The following DCHS1 variants were observed in gnomAD, a reference collection of about 807,000 sequenced individuals.
The protein encoded by DCHS1 is protocadherin-16.
In DCHS1, 78 loss-of-function variants were observed where a neutral mutation model predicts 213.9. The observed-to-expected ratio is 0.36, with a 90% confidence interval of 0.30 to 0.44. DCHS1 has a LOEUF of 0.44. Among genes scored for constraint, DCHS1 ranks in the 20% least tolerant of loss-of-function variants. The probability of loss-of-function intolerance (pLI) is 1.00; values close to 1 mark genes in which losing one functional copy is unlikely to be tolerated. For synonymous variants in DCHS1, 1,828 were observed against 1,873.7 expected (o/e 0.98, Z 0.63); for missense variants, 3,946 against 4,395.9 (o/e 0.90, Z 2.89).
intron 12 of DCHS1, 128 bp downstream of exon 12, chr11:6,629,324 A>G: frequency 1.5e-6 from 2 of 1,371,688 alleles, no homozygotes; most frequent in Non-Finnish European, 1.9e-6. Flanking sequence ...AAAGGGTCCA[A>G]AAACATAACA....
At position 6,626,521 on chromosome 11, in the gene DCHS1, C is replaced by A; in HGVS notation, c.6364+31G>T. On this transcript the variant is annotated intron_variant, in intron 15 of 20. Transcript: ENST00000299441. This position sits in a 1 kb window ranked among gnomAD's most constrained non-coding sequence, Gnocchi z 5.2. ...AGAACCTGCTTCCCCAGTAGCCTGT[C>A]CTGCACAGAGCCCCTGCTCCTATTT... 1 of 1,611,886 alleles carries A rather than the reference C, an allele frequency of 6.2e-7. No individual in the cohort carries two copies. Among genetic ancestry groups the A allele is most frequent in the Non-Finnish European group, 8.5e-7 (1 of 1,178,198 alleles).
Position 6,631,340 on chromosome 11 carries a change from T to G in DCHS1, c.3743A>C (p.Glu1248Ala). 6.2e-7 allele frequency: 1 copy of G among 1,613,884 alleles called. No homozygotes were observed. The highest frequency in any genetic ancestry group is 8.5e-7 in the Non-Finnish European group (1 of 1,179,834). ...TAGCGTGTACAAGATGGTCCCATTC[T>G]CCCCCTCATCTGGATCCTTCGCCTG... Reference protein sequence around the residue: ...TLQAKDPDEGENGTILYTLTG... With the variant: ...TLQAKDPDEGANGTILYTLTG... Residue 1248 changes from glutamate (E) to alanine (A), a missense_variant, in exon 8 of 21, where the codon GAG becomes GCG. By Grantham distance (107) the Glu-to-Ala change is moderately radical (BLOSUM62 -1). This residue lies in a region of DCHS1 where 3,384 missense variants were observed against 3,780.1 expected (regional missense o/e 0.90). Coordinates refer to ENST00000299441, the MANE Select transcript of DCHS1 (RefSeq NM_003737.4).
chr11:6,650,663 T>C (rs1164001996), intron 1 of DCHS1, among the ~76,000 whole-genome samples: 2 of 151,964 alleles, frequency 1.3e-5, no homozygotes, highest in Non-Finnish European at 2.9e-5. Flanking sequence ...TAAGAGGGCA[T>C]TAAAGGAAGG....
chr11:6,654,909 C>T (rs1001712478), intron 1 of DCHS1, among the ~76,000 whole-genome samples: 2 of 152,116 alleles, frequency 1.3e-5, no homozygotes, highest in Non-Finnish European at 2.9e-5. Context: ...CTTGCTCTGT[C>T]CCCTGCACGG....
chr11:6,634,087 A>T (rs144772487), intron 3 of DCHS1, 31 bp downstream of exon 3: 2 of 1,598,408 alleles, frequency 1.3e-6, no homozygotes, highest in Non-Finnish European at 8.5e-7. Flanking sequence ...CTACCCCAAC[A>T]TCCCAACCTG....
rs752838229 is a variant in DCHS1, at chr11:6,629,835, G to A, written c.4872C>T (p.His1624=). 1.1e-5 allele frequency: 18 copies of A among 1,612,856 alleles called. No individual in the cohort carries two copies. Among genetic ancestry groups the A allele is most frequent in the African/African-American group, 4.0e-5 (3 of 74,950 alleles). The change falls in exon 11 of 21, where the codon CAC becomes CAT. Residue 1624 remains histidine, a synonymous_variant. Transcript: ENST00000299441. ...GCGTGGCCGAGCGCGGCGGGGAGCC[G>A]TGGTCTGAGGCCACCACTGTCAGTA... The part of the protein sequence containing the change: ...EHVLTVVASD[H]GSPPRSATQV...
chr11:6,628,740 A>C lies in DCHS1; in HGVS notation c.5252T>G (p.Phe1751Cys). 6.2e-7 allele frequency: 1 copy of C among 1,614,042 alleles called. No individual in the cohort carries two copies. The highest frequency in any genetic ancestry group is 8.5e-7 in the Non-Finnish European group (1 of 1,179,906). The change falls in exon 13 of 21, where the codon TTT (phenylalanine) becomes TGT (cysteine). Residue 1751 changes from phenylalanine (F) to cysteine (C), a missense_variant. This residue lies in a region of DCHS1 where 3,384 missense variants were observed against 3,780.1 expected (regional missense o/e 0.90). Transcript: ENST00000299441. The surrounding 1 kb of genome is among the most constrained non-coding windows in gnomAD (Gnocchi z 4.3). ...CTCCAGAGAGAGATGGGCACTCCCA[A>C]AGGTTGGTGCATGGTCATTCTCATC... is the stretch of plus-strand genomic sequence containing the variant. ...VEDENDHAPTFGSAHLSLEVP... is the reference protein window; with the variant it reads ...VEDENDHAPTCGSAHLSLEVP...
At position 6,627,748 on chromosome 11, in the gene DCHS1, C is replaced by T. The variant is rs1242723819; in HGVS notation, c.5372-81G>A. ...TTTACAGACAACAGGAGAGAGTGAG[C>T]ATGTGCACAAAAGCAAGTGAACCTT... On this transcript the variant is annotated intron_variant, in intron 13 of 20. Transcript: ENST00000299441. This position sits in a 1 kb window ranked among gnomAD's most constrained non-coding sequence, Gnocchi z 5.4. The T allele has an allele frequency of 1.8e-5, 26 of 1,441,322 alleles. No homozygotes were observed. The highest frequency in any genetic ancestry group is 4.4e-5 in the Admixed American group (2 of 45,196). The allele number at this position is 1,441,322 out of a possible 1,614,324, so 89.3% of individuals were successfully genotyped here. A position where few individuals can be genotyped will look rare whatever the true frequency, so the allele number is the denominator to read the frequency against.
chr11:6,627,292 G>T lies in DCHS1; in HGVS notation c.5747C>A (p.Ala1916Asp). 6.2e-7 allele frequency: 1 copy of T among 1,612,804 alleles called. No homozygotes were observed. Among genetic ancestry groups the T allele is most frequent in the Non-Finnish European group, 8.5e-7 (1 of 1,179,560 alleles). ...GCTGGGACACTGTTCTCTGTCCAAG[G>T]CTGCAGCTGTGCGCAGTTCTCCAGA... ...PSSGELRTAA[A>D]LDREQCPSYT... Residue 1916 changes from alanine (A) to aspartate (D), a missense_variant, in exon 14 of 21, where the codon GCC becomes GAC. This residue lies in a region of DCHS1 where 3,384 missense variants were observed against 3,780.1 expected (regional missense o/e 0.90). Coordinates refer to ENST00000299441, the MANE Select transcript of DCHS1 (RefSeq NM_003737.4). The surrounding 1 kb of genome is among the most constrained non-coding windows in gnomAD (Gnocchi z 5.4).
chr11:6,645,910 G>C (rs1157835022), intron 1 of DCHS1, among the ~76,000 whole-genome samples: 4 of 152,056 alleles, frequency 2.6e-5, no homozygotes, highest in African/African-American at 9.7e-5. Flanking sequence ...GTGCGCAGAG[G>C]CTTGCTTTAA....
chr11:6,631,457 A>G lies in DCHS1; in HGVS notation c.3676-50T>C, dbSNP rs1855906641. ...GAGTCTCTTTCCTGTTCTTCAGACA[A>G]CTCAGGATAAAGCTTCCCTCACCTG... On this transcript the variant is annotated intron_variant, in intron 7 of 20. Transcript: ENST00000299441. 11 of 1,610,876 alleles carry G rather than the reference A, an allele frequency of 6.8e-6. No individual in the cohort carries two copies. In the East Asian group the frequency reaches 2.5e-4, roughly 36 times the overall value.
In DCHS1 at chr11:6,632,802, G is replaced by C. The variant is rs745615130; in HGVS notation, c.2710C>G (p.Pro904Ala). 1.9e-6 allele frequency: 3 copies of C among 1,613,940 alleles called. No homozygotes were observed. In the East Asian group the frequency reaches 6.7e-5, roughly 36 times the overall value. ...FPAPEDTVLL[P>A]PNTAPGTPIY... Reference sequence around the variant, plus strand: ...GGAGTCCCTGGGGCAGTGTTTGGTGGTAGCAATACCGTGTCTTCAGGTGCA... The same window carrying C: ...GGAGTCCCTGGGGCAGTGTTTGGTGCTAGCAATACCGTGTCTTCAGGTGCA... The change falls in exon 6 of 21, where the codon CCA becomes GCA. Residue 904 changes from proline (P) to alanine (A), a missense_variant. By Grantham distance (27) the Pro-to-Ala change is conservative. Coordinates refer to ENST00000299441, the MANE Select transcript of DCHS1 (RefSeq NM_003737.4). This position sits in a 1 kb window ranked among gnomAD's most constrained non-coding sequence, Gnocchi z 5.9.
chr11:6,625,500 G>A lies in DCHS1; in HGVS notation c.6863-19C>T. The stretch of plus-strand genomic sequence containing the variant: ...AACGCATCTGGAATACATGAGACTA[G>A]TGTGTTTGGCAATGGACACAGCCCC... On this transcript the variant is annotated intron_variant, in intron 18 of 20. Coordinates refer to ENST00000299441, the MANE Select transcript of DCHS1 (RefSeq NM_003737.4). This position sits in a 1 kb window ranked among gnomAD's most constrained non-coding sequence, Gnocchi z 5.3. The A allele has an allele frequency of 6.2e-7, 1 of 1,606,994 alleles. No homozygotes were observed. The highest frequency in any genetic ancestry group is 8.5e-7 in the Non-Finnish European group (1 of 1,177,776).
In DCHS1 at chr11:6,641,695, G is replaced by C. The variant is rs1157007308; in HGVS notation, c.-82C>G. 6.9e-7 allele frequency: 1 copy of C among 1,457,540 alleles called. No homozygotes were observed. The highest frequency in any genetic ancestry group is 1.4e-5 in the African/African-American group (1 of 70,146). 90.3% of individuals were successfully genotyped at this position (1,457,540 alleles called of 1,614,324 possible). A position where few individuals can be genotyped will look rare whatever the true frequency, so the allele number is the denominator to read the frequency against. ...AGCTTGACCTCAGACTTTGGGTCAG[G>C]TCCCACTGGGGCCCTGGCTCCAGCT... On this transcript the variant is annotated 5_prime_UTR_variant, in exon 2 of 21. Transcript: ENST00000299441. This position sits in a 1 kb window ranked among gnomAD's most constrained non-coding sequence, Gnocchi z 7.1.
In DCHS1 at chr11:6,630,828, TG is replaced by T; in HGVS notation, c.3965del (p.Pro1322GlnfsTer16). ...LPSARLAEPP[P>X]DLAERDPAAP... is the part of the protein sequence containing the mutation. ...CCGCTGGGTCCCGCTCTGCGAGATC[TG>T]GGGGCGGCTCGGCCAAGCGAGCTGA... On this transcript the variant is annotated frameshift_variant, in exon 10 of 21. Transcript: ENST00000299441. LOFTEE classifies it high-confidence loss of function. 1.3e-6 allele frequency: 2 copies of T among 1,529,650 alleles called. No individual in the cohort carries two copies. Among genetic ancestry groups the T allele is most frequent in the Non-Finnish European group, 8.8e-7 (1 of 1,134,460 alleles). 94.8% of individuals were successfully genotyped at this position (1,529,650 alleles called of 1,614,324 possible).
chr11:6,653,995 G>GGTT (rs1856281744), intron 1 of DCHS1, among the ~76,000 whole-genome samples: 1 of 152,082 alleles, frequency 6.6e-6, no homozygotes, highest in Admixed American at 6.5e-5. Context: ...GAGGGAGGAA[G>GGTT]GTAACAGGAG....
intron 6 of DCHS1, 79 bp downstream of exon 6, chr11:6,631,952 G>A: frequency 6.8e-7 from 1 of 1,465,002 alleles, no homozygotes; most frequent in Non-Finnish European, 9.0e-7. Flanking sequence ...TGGGAGCTGG[G>A]GGTTGGGGAT....
chr11:6,621,376 G>C lies in DCHS1; in HGVS notation c.*403C>G. 1 of 342,406 alleles carries C rather than the reference G, an allele frequency of 2.9e-6. No homozygotes were observed. 21.2% of individuals were successfully genotyped at this position (342,406 alleles called of 1,614,324 possible). A position where few individuals can be genotyped will look rare whatever the true frequency, so the allele number is the denominator to read the frequency against. On this transcript the variant is annotated 3_prime_UTR_variant, in exon 21 of 21. Transcript: ENST00000299441. ...GCTCCAGAGTGAGAAATGGCACTTGGTTCTGGGCAGGGGCAGGGGCAGGGG... is the reference window on the plus strand; with the variant it reads ...GCTCCAGAGTGAGAAATGGCACTTGCTTCTGGGCAGGGGCAGGGGCAGGGG...
chr11:6,629,417 C>T (rs1855864462), intron 12 of DCHS1, 35 bp downstream of exon 12: 3 of 1,609,306 alleles, frequency 1.9e-6, no homozygotes. Flanking sequence ...TTTACAACAC[C>T]TCACTCAGGC....
Sources: gnomAD v4.1 joint callset for allele counts (sites outside exome capture counted in the v4.1 genomes callset) on GRCh38, gnomAD v4.1.1 for gene constraint, gnomAD v4.1.1 regional missense constraint, Gnocchi (gnomAD v3.1) non-coding constraint, MANE v1.5 for transcripts, NCBI Gene and HGNC (gene_info 2026-07-23, HGNC 2026-07-21) for gene names.